The following VAV3 variants were observed in gnomAD, a reference collection of about 807,000 sequenced individuals.
The protein encoded by VAV3 is vav guanine nucleotide exchange factor 3.
Under a neutral mutation model 131.2 loss-of-function variants are expected in VAV3, and 94 were observed. The observed-to-expected ratio is 0.72, with a 90% CI of 0.61 to 0.85. The LOEUF is 0.85. VAV3 is among the 40% of genes least tolerant of loss of function. The pLI, the probability that VAV3 is intolerant of heterozygous loss-of-function variation, is 0.00. For missense variants in VAV3, 939 were observed against 1,002.7 expected, an observed-to-expected ratio of 0.94 and a Z score of 0.86; for synonymous variants, 349 against 342.0, an observed-to-expected ratio of 1.02 and a Z score of -0.22.
intron 2 of VAV3, among the ~76,000 whole-genome samples, chr1:107,873,332 T>C (rs998095828): frequency 6.6e-6 from 1 of 152,172 alleles, no homozygotes; most frequent in African/African-American, 2.4e-5. Context: ...ACACCATTTC[T>C]TGCAAACTTA....
intron 20 of VAV3, among the ~76,000 whole-genome samples, chr1:107,634,689 T>C (rs1654769490): frequency 6.6e-6 from 1 of 150,424 alleles, no homozygotes; most frequent in African/African-American, 2.4e-5. Context: ...ACAGGCAACC[T>C]ACAACATGGG....
chr1:107,614,761 G>A (rs1280870755), intron 21 of VAV3, among the ~76,000 whole-genome samples: 1 of 152,080 alleles, frequency 6.6e-6, no homozygotes, highest in Admixed American at 6.6e-5. Flanking sequence ...TCATTCAACA[G>A]TAATTTATTA....
intron 1 of VAV3, among the ~76,000 whole-genome samples, chr1:107,959,514 G>A (rs918841617): frequency 2.0e-5 from 3 of 152,040 alleles, no homozygotes; most frequent in Non-Finnish European, 4.4e-5. Context: ...CACTTGATCA[G>A]CAGCATTTGA....
intron 1 of VAV3, among the ~76,000 whole-genome samples, chr1:107,962,048 T>G (rs948414576): frequency 6.6e-6 from 1 of 152,226 alleles, no homozygotes; most frequent in African/African-American, 2.4e-5. Context: ...CATCTGCTCT[T>G]TACAGTCTCA....
intron 15 of VAV3, among the ~76,000 whole-genome samples, chr1:107,726,173 G>T (rs759004921): frequency 2.0e-5 from 3 of 152,076 alleles, no homozygotes; most frequent in Non-Finnish European, 4.4e-5. Flanking sequence ...TCTGATATTT[G>T]CAAAGCACTT....
intron 19 of VAV3, among the ~76,000 whole-genome samples, chr1:107,669,906 A>T (rs1657660689): frequency 6.6e-6 from 1 of 152,210 alleles, no homozygotes; most frequent in South Asian, 2.1e-4. Context: ...TCACCCAAAT[A>T]ATGTTACAGT....
intron 24 of VAV3, among the ~76,000 whole-genome samples, chr1:107,596,628 A>G (rs1651414131): frequency 6.6e-6 from 1 of 152,180 alleles, no homozygotes; most frequent in Admixed American, 6.5e-5. Flanking sequence ...AAATGAAAAG[A>G]AACAATACTA....
chr1:107,707,944 T>C (rs1292842771), intron 15 of VAV3, among the ~76,000 whole-genome samples: 1 of 152,252 alleles, frequency 6.6e-6, no homozygotes, highest in East Asian at 1.9e-4. Context: ...ACATCTCTAA[T>C]GTACCAGATA....
chr1:107,946,916 C>T (rs1048827942), intron 1 of VAV3, among the ~76,000 whole-genome samples: 2 of 152,150 alleles, frequency 1.3e-5, no homozygotes, highest in African/African-American at 4.8e-5. Context: ...TTACAACATT[C>T]AAAGCTCTGA....
chr1:107,772,880 T>C, intron 4 of VAV3, 37 bp from the exon 5 acceptor site: 2 of 1,561,096 alleles, frequency 1.3e-6, no homozygotes, highest in South Asian at 1.1e-5. Flanking sequence ...CATTTTCTAT[T>C]ATGCAGTAAA....
chr1:107,664,293 AC>A (rs1264379886), intron 19 of VAV3, among the ~76,000 whole-genome samples: 1 of 151,962 alleles, frequency 6.6e-6, no homozygotes, highest in East Asian at 1.9e-4. Flanking sequence ...TCAAACCATC[AC>A]CTGGGTATTA....
intron 2 of VAV3, among the ~76,000 whole-genome samples, chr1:107,822,823 T>C (rs1324719628): frequency 6.6e-6 from 1 of 152,150 alleles, no homozygotes; most frequent in Admixed American, 6.6e-5. Context: ...AATAATTATG[T>C]CTTGAACACC....
At chr1:107,660,615 G>T (rs1229550849) in intron 19 of VAV3, among the ~76,000 whole-genome samples, 1 of 152,132 alleles carries the variant, frequency 6.6e-6, no homozygotes, top group African/African-American at 2.4e-5. Context: ...GGAGATCCTA[G>T]GAGATAATTT....
At chr1:107,607,204 G>A (rs757629673) in intron 22 of VAV3, among the ~76,000 whole-genome samples, 12 of 151,780 alleles carry the variant, frequency 7.9e-5, no homozygotes, top group Admixed American at 1.3e-4. Flanking sequence ...CGCCCACTTC[G>A]GCCTCCCAAA....
At chr1:107,857,414 A>G (rs1669525730) in intron 2 of VAV3, among the ~76,000 whole-genome samples, 2 of 152,136 alleles carry the variant, frequency 1.3e-5, no homozygotes, top group Admixed American at 1.3e-4. Context: ...ATAAATTCTC[A>G]TATATATGAT....
At chr1:107,758,462 C>T (rs1003184791) in intron 10 of VAV3, among the ~76,000 whole-genome samples, 1 of 152,086 alleles carries the variant, frequency 6.6e-6, no homozygotes, top group African/African-American at 2.4e-5. Flanking sequence ...GTCTCAGCTA[C>T]TTGGGAGGCT....
intron 15 of VAV3, among the ~76,000 whole-genome samples, chr1:107,746,965 C>A (rs146070054): frequency 2.0e-3 from 306 of 151,984 alleles, no homozygotes; most frequent in Admixed American, 4.3e-3. Flanking sequence ...CTGCAACCTC[C>A]GCCTCTCAGG....
intron 1 of VAV3, among the ~76,000 whole-genome samples, chr1:107,964,040 ACTCG>A (rs1183313987): frequency 2.6e-5 from 4 of 152,092 alleles, no homozygotes; most frequent in African/African-American, 9.7e-5. Context: ...GAGAGGCTGG[ACTCG>A]CTCCTTCTCA....
chr1:107,751,576 A>C (rs1405017848), intron 12 of VAV3, among the ~76,000 whole-genome samples: 1 of 152,046 alleles, frequency 6.6e-6, no homozygotes, highest in Admixed American at 6.6e-5. Flanking sequence ...TGATACAGAC[A>C]CTGCCCTCAT....
Sources: gnomAD v4.1 joint callset for allele counts (sites outside exome capture counted in the v4.1 genomes callset) on GRCh38, gnomAD v4.1.1 for gene constraint, MANE v1.5 for transcripts, NCBI Gene and HGNC (gene_info 2026-07-23, HGNC 2026-07-21) for gene names.